The following TTC28 variants were observed in gnomAD, a reference collection of about 807,000 sequenced individuals.
TTC28 encodes the protein tetratricopeptide repeat protein 28.
TTC28 carries 61 observed loss-of-function variants against 198.0 expected under a neutral mutation model. The observed-to-expected ratio is 0.31, with a 90% CI of 0.25 to 0.38. The LOEUF (loss-of-function observed/expected upper bound fraction) is 0.38, where lower values mean the gene tolerates loss of function less well. Ranked by LOEUF, TTC28 falls within the 10% of genes least tolerant of loss-of-function variation. The pLI is 1.00. For synonymous variants in TTC28, 1,171 were observed against 1,297.8 expected (o/e 0.90, Z 2.10); for missense variants, 2,678 against 3,164.0 (o/e 0.85, Z 3.69).
chr22:28,503,855 C>A (rs2146373868), intron 2 of TTC28, among the ~76,000 whole-genome samples: 1 of 152,272 alleles, frequency 6.6e-6, no homozygotes, highest in South Asian at 2.1e-4. Flanking sequence ...TAATAATAGT[C>A]CATCTCACAA....
chr22:28,031,848 C>G (rs1421824044), intron 12 of TTC28, among the ~76,000 whole-genome samples: 1 of 152,124 alleles, frequency 6.6e-6, no homozygotes, highest in Non-Finnish European at 1.5e-5. Context: ...GTAAAGTAGA[C>G]TGCCCTCCCC....
chr22:28,387,129 T>C (rs1422886038), intron 2 of TTC28, among the ~76,000 whole-genome samples: 1 of 152,308 alleles, frequency 6.6e-6, no homozygotes, highest in Admixed American at 6.5e-5. Flanking sequence ...TTGCTGAGAA[T>C]GATGGTTTCC....
At chr22:28,540,260 A>G (rs2049384159) in intron 2 of TTC28, among the ~76,000 whole-genome samples, 1 of 151,940 alleles carries the variant, frequency 6.6e-6, no homozygotes, top group Non-Finnish European at 1.5e-5. Context: ...AAGCTTTACA[A>G]TCGTGGTAGA....
In TTC28 at chr22:27,981,604, C is replaced by G. The variant is rs1377147577; in HGVS notation, c.*617G>C. 1 of 151,872 alleles carries G rather than the reference C, an allele frequency of 6.6e-6. No homozygotes were observed. Among genetic ancestry groups the G allele is most frequent in the Non-Finnish European group, 1.5e-5 (1 of 68,012 alleles). The allele number at this position is 151,872 out of a possible 1,614,324, so 9.4% of individuals were successfully genotyped here. A position where few individuals can be genotyped will look rare whatever the true frequency, so the allele number is the denominator to read the frequency against. ...CAGAGCAGAGTTCAGAATGGAAGCGCTGTTTCAATGTGAATTATTGCATTG... is the reference window on the plus strand; with the variant it reads ...CAGAGCAGAGTTCAGAATGGAAGCGGTGTTTCAATGTGAATTATTGCATTG... On this transcript the variant is annotated 3_prime_UTR_variant, in exon 23 of 23. Coordinates refer to ENST00000397906, the MANE Select transcript of TTC28 (RefSeq NM_001145418.2).
At chr22:28,488,445 C>T (rs1194949297) in intron 2 of TTC28, among the ~76,000 whole-genome samples, 3 of 152,134 alleles carry the variant, frequency 2.0e-5, no homozygotes, top group African/African-American at 7.2e-5. Flanking sequence ...AAGCTTGAGG[C>T]AGTTACAGTA....
intron 2 of TTC28, among the ~76,000 whole-genome samples, chr22:28,579,984 T>G: frequency 6.6e-6 from 1 of 150,844 alleles, no homozygotes; most frequent in East Asian, 1.9e-4. Context: ...CAAAAAAAAA[T>G]TATACACACA....
intron 2 of TTC28, among the ~76,000 whole-genome samples, chr22:28,609,747 C>T (rs1186446207): frequency 1.3e-5 from 2 of 152,112 alleles, no homozygotes; most frequent in African/African-American, 2.4e-5. Flanking sequence ...ACCATTCACT[C>T]CCCCTGGAAA....
intron 1 of TTC28, among the ~76,000 whole-genome samples, chr22:28,655,274 A>G (rs945192147): frequency 6.6e-6 from 1 of 152,158 alleles, no homozygotes; most frequent in Non-Finnish European, 1.5e-5. Flanking sequence ...TAGTATATCA[A>G]CATATCTTAG....
At chr22:28,223,218 A>G (rs1048657827) in intron 5 of TTC28, among the ~76,000 whole-genome samples, 1 of 152,096 alleles carries the variant, frequency 6.6e-6, no homozygotes, top group African/African-American at 2.4e-5. Flanking sequence ...CATCCCACAA[A>G]TACTCACTGA....
At chr22:28,190,276 C>T (rs148282114) in intron 5 of TTC28, among the ~76,000 whole-genome samples, 25 of 152,322 alleles carry the variant, frequency 1.6e-4, no homozygotes, top group African/African-American at 5.5e-4. Flanking sequence ...TTAATCTTCA[C>T]CACAATTCTA....
chr22:27,986,087 A>G (rs1937206061), intron 21 of TTC28: 1 of 152,338 alleles, frequency 6.6e-6, no homozygotes, highest in Admixed American at 6.5e-5. Flanking sequence ...TGCAGATGCT[A>G]TGGCCACAGA....
intron 2 of TTC28, among the ~76,000 whole-genome samples, chr22:28,595,739 C>T (rs1168000253): frequency 6.6e-6 from 1 of 152,218 alleles, no homozygotes; most frequent in Non-Finnish European, 1.5e-5. Flanking sequence ...TCCTGGCCAA[C>T]ATGGTGAAAC....
At chr22:28,330,516 A>G (rs969566722) in intron 2 of TTC28, among the ~76,000 whole-genome samples, 5 of 152,190 alleles carry the variant, frequency 3.3e-5, no homozygotes, top group Admixed American at 1.3e-4. Flanking sequence ...AAAGACTGCA[A>G]ATTGCTAACA....
intron 2 of TTC28, among the ~76,000 whole-genome samples, chr22:28,582,745 T>C (rs1218829210): frequency 6.6e-6 from 1 of 152,154 alleles, no homozygotes; most frequent in African/African-American, 2.4e-5. Context: ...AGAACTCTAT[T>C]CATTAAAAAC....
At chr22:28,381,392 G>A (rs1005836046) in intron 2 of TTC28, among the ~76,000 whole-genome samples, 4 of 152,256 alleles carry the variant, frequency 2.6e-5, no homozygotes, top group African/African-American at 9.6e-5. Context: ...TAAAATGTGT[G>A]ACGCTCCTGG....
chr22:28,493,289 G>C (rs898760067), intron 2 of TTC28, among the ~76,000 whole-genome samples: 13 of 152,146 alleles, frequency 8.5e-5, no homozygotes, highest in Non-Finnish European at 1.8e-4. Flanking sequence ...CCGGGAGACA[G>C]AGGTTGCAGT....
chr22:28,001,422 G>A lies in TTC28; in HGVS notation c.4350C>T (p.Phe1450=), dbSNP rs776015784. 9.0e-5 allele frequency: 139 copies of A among 1,551,398 alleles called. 2 individuals carry two copies. Among genetic ancestry groups the A allele is most frequent in the South Asian group, 4.8e-5 (4 of 84,064 alleles). Residue 1450 remains phenylalanine, a synonymous_variant, in exon 15 of 23, where the codon TTC becomes TTT. Transcript: ENST00000397906. ...SSSNEYLYER[F]GLLAVPSIRS... ...GGATGGAAGGGACAGCAAGGAGGCC[G>A]AAGCGCTCGTAGAGGTACTCATTGG...
chr22:28,133,194 G>C (rs1943101499), intron 6 of TTC28, among the ~76,000 whole-genome samples: 1 of 152,208 alleles, frequency 6.6e-6, no homozygotes, highest in African/African-American at 2.4e-5. Context: ...TTGCACTCCA[G>C]CCTGGGTGAC....
At chr22:28,296,133 GA>G in intron 5 of TTC28, 64 bp downstream of exon 5, 1 of 1,469,754 alleles carries the variant, frequency 6.8e-7, no homozygotes, top group South Asian at 1.4e-5. Flanking sequence ...GTTTTTAACA[GA>G]AAATAGAGCT....
Sources: allele counts gnomAD v4.1 joint callset (sites outside exome capture counted in the v4.1 genomes callset), GRCh38; gene constraint gnomAD v4.1.1; transcripts MANE v1.5; gene names NCBI Gene and HGNC (gene_info 2026-07-23, HGNC 2026-07-21).